Variants in SYN3 observed in about 807,000 individuals in gnomAD.
SYN3 encodes the protein synapsin-3.
Under a neutral mutation model 65.8 loss-of-function variants are expected in SYN3, and 35 were observed. The observed-to-expected ratio is 0.53, with a 90% CI of 0.41 to 0.70. The LOEUF (loss-of-function observed/expected upper bound fraction) is 0.70. SYN3 is among the 30% of genes least tolerant of loss of function. The pLI is 0.00. For synonymous variants in SYN3, 270 were observed against 292.9 expected, an observed-to-expected ratio of 0.92 and a Z score of 0.80; for missense variants, 680 against 749.0, an observed-to-expected ratio of 0.91 and a Z score of 1.08.
intron 7 of SYN3, among the ~76,000 whole-genome samples, chr22:32,586,029 T>TAC (rs1491526875): frequency 2.8e-5 from 3 of 106,022 alleles, no homozygotes; most frequent in African/African-American, 1.1e-4. Flanking sequence ...TATGTATGTA[T>TAC]GTATATATGT....
chr22:32,762,931 A>G (rs130525), intron 6 of SYN3, among the ~76,000 whole-genome samples: 23,166 of 152,202 alleles, frequency 0.15, 2,276 homozygotes, highest in East Asian at 0.35. Flanking sequence ...TCATTACTCT[A>G]GACACTTAGG....
rs573422637 is a variant in SYN3, at chr22:32,859,599, C to T, written c.711+5316G>A. The T allele has an allele frequency of 3.1e-5, 18 of 578,670 alleles. No homozygotes were observed. The East Asian group carries it at 5.0e-4, about 16-fold the overall frequency. 35.8% of individuals were successfully genotyped at this position (578,670 alleles called of 1,614,324 possible). Reference sequence around the variant, plus strand: ...TTTTGGTTTTGACATCATTCATTTCCACCTGGGAATTTCTGGTGCCATGCC... The same window carrying T: ...TTTTGGTTTTGACATCATTCATTTCTACCTGGGAATTTCTGGTGCCATGCC... On this transcript the variant is annotated intron_variant, in intron 6 of 13. Coordinates refer to ENST00000358763, the MANE Select transcript of SYN3 (RefSeq NM_003490.4).
intron 6 of SYN3, among the ~76,000 whole-genome samples, chr22:32,742,297 G>A (rs183939651): frequency 6.0e-4 from 90 of 150,406 alleles, no homozygotes; most frequent in African/African-American, 2.1e-3. Flanking sequence ...AAATAAATAA[G>A]TAAATAAATA....
intron 6 of SYN3, among the ~76,000 whole-genome samples, chr22:32,690,537 G>T (rs367800182): frequency 1.3e-5 from 2 of 152,146 alleles, no homozygotes; most frequent in South Asian, 2.1e-4. Flanking sequence ...CACTCTCATG[G>T]GAGCAGCAGT....
intron 3 of SYN3, among the ~76,000 whole-genome samples, chr22:32,965,243 C>CTATAA (rs61372841): frequency 0.23 from 35,014 of 152,020 alleles, 4,149 homozygotes; most frequent in Non-Finnish European, 0.25. Context: ...CTGCACTGTA[C>CTATAA]TATATCAATG....
chr22:33,055,210 C>T (rs2054235555), intron 1 of SYN3, among the ~76,000 whole-genome samples: 1 of 152,226 alleles, frequency 6.6e-6, no homozygotes, highest in South Asian at 2.1e-4. Context: ...TACACTATCA[C>T]ATCAGGCTTA....
chr22:32,557,971 CTT>C (rs924464192), intron 7 of SYN3, among the ~76,000 whole-genome samples: 2 of 152,198 alleles, frequency 1.3e-5, no homozygotes, highest in African/African-American at 2.4e-5. Context: ...GTTTTTCTCT[CTT>C]TTAACAATCT....
intron 4 of SYN3, among the ~76,000 whole-genome samples, chr22:32,871,057 G>A (rs533770264): frequency 4.6e-5 from 7 of 152,322 alleles, no homozygotes; most frequent in South Asian, 4.1e-4. Flanking sequence ...CCCTGGCAGC[G>A]TGGGTTCCAT....
chr22:32,600,859 G>A (rs1422302868), intron 6 of SYN3, among the ~76,000 whole-genome samples: 2 of 151,952 alleles, frequency 1.3e-5, no homozygotes, highest in African/African-American at 4.8e-5. Context: ...GCTAATTTTT[G>A]TATTTTCAGT....
intron 1 of SYN3, among the ~76,000 whole-genome samples, chr22:33,012,683 T>C (rs114509): frequency 0.45 from 67,873 of 152,094 alleles, 15,460 homozygotes; most frequent in Middle Eastern, 0.54. Context: ...GAGGTGCCAG[T>C]TGATTTTAGT....
intron 6 of SYN3, among the ~76,000 whole-genome samples, chr22:32,828,462 G>A (rs1479010147): frequency 6.6e-6 from 1 of 152,210 alleles, no homozygotes; most frequent in Non-Finnish European, 1.5e-5. Context: ...TCCCTGGCTG[G>A]GTGCTGTGCA....
At chr22:32,951,083 CAA>C (rs2051276124) in intron 3 of SYN3, among the ~76,000 whole-genome samples, 1 of 152,172 alleles carries the variant, frequency 6.6e-6, no homozygotes, top group Non-Finnish European at 1.5e-5. Context: ...CTTTCATAGC[CAA>C]AGACACTCAT....
At chr22:32,518,430 A>C (rs2057818391) in intron 12 of SYN3, 96 bp from the exon 13 acceptor site, 18 of 1,448,454 alleles carry the variant, frequency 1.2e-5, no homozygotes, top group Non-Finnish European at 1.7e-5. Flanking sequence ...TGTTCATTAC[A>C]GTGTTTCTTA....
At chr22:32,679,342 G>A (rs1387872586) in intron 6 of SYN3, among the ~76,000 whole-genome samples, 3 of 151,552 alleles carry the variant, frequency 2.0e-5, no homozygotes, top group African/African-American at 7.3e-5. Flanking sequence ...TGAGCACCGC[G>A]CCTGGCAATA....
intron 1 of SYN3, among the ~76,000 whole-genome samples, chr22:33,024,105 C>T (rs1418933803): frequency 6.6e-6 from 1 of 152,064 alleles, no homozygotes; most frequent in Non-Finnish European, 1.5e-5. Flanking sequence ...GGCACAGCCT[C>T]CTTCTCTTTT....
intron 7 of SYN3, among the ~76,000 whole-genome samples, chr22:32,550,364 T>TA (rs34370251): frequency 0.044 from 6,331 of 144,552 alleles, 166 homozygotes; most frequent in Non-Finnish European, 0.067. Flanking sequence ...TTAACCACAT[T>TA]AAAAAAAAAA....
chr22:32,722,181 A>G (rs755235892), intron 6 of SYN3, among the ~76,000 whole-genome samples: 3 of 152,000 alleles, frequency 2.0e-5, no homozygotes, highest in Admixed American at 6.6e-5. Flanking sequence ...TTGATGAAGT[A>G]TTTTCCCAAG....
chr22:32,536,891 C>T (rs144307806), intron 9 of SYN3, among the ~76,000 whole-genome samples: 17 of 152,276 alleles, frequency 1.1e-4, no homozygotes, highest in Admixed American at 4.6e-4. Context: ...CCCCTTTCTG[C>T]GCAAACCAAT....
chr22:32,906,903 A>C (rs1182884244), intron 4 of SYN3, among the ~76,000 whole-genome samples: 1 of 152,142 alleles, frequency 6.6e-6, no homozygotes, highest in Non-Finnish European at 1.5e-5. Flanking sequence ...TATCCAGTCT[A>C]TCATTGATGG....
Sources: gnomAD v4.1 joint callset for allele counts (sites outside exome capture counted in the v4.1 genomes callset) on GRCh38, gnomAD v4.1.1 for gene constraint, MANE v1.5 for transcripts, NCBI Gene and HGNC (gene_info 2026-07-23, HGNC 2026-07-21) for gene names.